Variants in FHIT observed in about 807,000 individuals in gnomAD.
FHIT encodes the protein fragile histidine triad diadenosine triphosphatase, also known as bis(5'-adenosyl)-triphosphatase.
Under a neutral mutation model 17.9 loss-of-function variants are expected in FHIT, and 19 were observed. The observed-to-expected ratio is 1.06, with a 90% CI of 0.74 to 1.56. FHIT has a LOEUF of 1.56. Among genes scored for constraint, FHIT ranks in the 40% most tolerant of loss-of-function variants. FHIT has a pLI of 0.00. For synonymous variants in FHIT, 81 were observed against 69.7 expected, an observed-to-expected ratio of 1.16 and a Z score of -0.81; for missense variants, 248 against 189.2, an observed-to-expected ratio of 1.31 and a Z score of -1.82.
intron 3 of FHIT, among the ~76,000 whole-genome samples, chr3:60,888,174 ATATGCCCTT>A (rs1366432968): frequency 2.6e-5 from 4 of 152,198 alleles, no homozygotes; most frequent in Non-Finnish European, 5.9e-5. Context: ...GGACATGTGG[ATATGCCCTT>A]CAGGGTCCAG....
intron 2 of FHIT, among the ~76,000 whole-genome samples, chr3:61,189,364 T>G (rs2038636146): frequency 6.6e-6 from 1 of 152,028 alleles, no homozygotes; most frequent in African/African-American, 2.4e-5. Context: ...TACCTAGGAA[T>G]CCAACTTACA....
chr3:60,660,953 A>C (rs376109222), intron 4 of FHIT, among the ~76,000 whole-genome samples: 2 of 151,840 alleles, frequency 1.3e-5, no homozygotes, highest in Non-Finnish European at 2.9e-5. Context: ...GGCTTTCACA[A>C]AGCAAAAGTT....
At chr3:60,260,007 G>C (rs1158583633) in intron 5 of FHIT, among the ~76,000 whole-genome samples, 3 of 152,014 alleles carry the variant, frequency 2.0e-5, no homozygotes, top group South Asian at 2.1e-4. Flanking sequence ...AATGAGAATA[G>C]GGTAGAATAC....
intron 5 of FHIT, among the ~76,000 whole-genome samples, chr3:60,289,689 A>G (rs1707894809): frequency 1.3e-5 from 2 of 152,184 alleles, no homozygotes; most frequent in East Asian, 3.9e-4. Flanking sequence ...AAGTCTTTCT[A>G]TTCTAATTAT....
chr3:60,720,700 C>T (rs1289284997), intron 4 of FHIT, among the ~76,000 whole-genome samples: 4 of 152,128 alleles, frequency 2.6e-5, no homozygotes, highest in Admixed American at 1.3e-4. Context: ...GAGATTCTAA[C>T]GTACAGCCAA....
intron 8 of FHIT, among the ~76,000 whole-genome samples, chr3:59,864,044 T>C (rs756196370): frequency 4.1e-4 from 62 of 152,206 alleles, no homozygotes; most frequent in Admixed American, 1.2e-3. Context: ...ATTTACCATA[T>C]TTGTTTCTTT....
At chr3:60,526,982 G>T (rs2035599757) in intron 5 of FHIT, among the ~76,000 whole-genome samples, 1 of 152,154 alleles carries the variant, frequency 6.6e-6, no homozygotes, top group Non-Finnish European at 1.5e-5. Flanking sequence ...TTGCGGTTTG[G>T]GGGCGTGGAG....
intron 3 of FHIT, among the ~76,000 whole-genome samples, chr3:60,844,737 C>G (rs782170580): frequency 6.6e-6 from 1 of 152,218 alleles, no homozygotes; most frequent in Non-Finnish European, 1.5e-5. Flanking sequence ...TTTTCTGAAT[C>G]CCTTTCAAAT....
chr3:59,812,612 T>C (rs938692009), intron 8 of FHIT, among the ~76,000 whole-genome samples: 1 of 152,186 alleles, frequency 6.6e-6, no homozygotes, highest in Non-Finnish European at 1.5e-5. Flanking sequence ...TTTATGAAAA[T>C]GCACGCACAT....
At chr3:60,165,027 T>A (rs1330171114) in intron 5 of FHIT, among the ~76,000 whole-genome samples, 1 of 152,268 alleles carries the variant, frequency 6.6e-6, no homozygotes, top group South Asian at 2.1e-4. Flanking sequence ...CTAGGCAGTT[T>A]AGATCACAGA....
chr3:60,807,265 T>C (rs1403981552), intron 4 of FHIT, among the ~76,000 whole-genome samples: 2 of 152,168 alleles, frequency 1.3e-5, no homozygotes, highest in African/African-American at 2.4e-5. Flanking sequence ...CTACAAATAG[T>C]TTCCTTTCCA....
intron 5 of FHIT, among the ~76,000 whole-genome samples, chr3:60,148,349 T>C (rs1476587986): frequency 6.6e-6 from 1 of 152,200 alleles, no homozygotes; most frequent in Non-Finnish European, 1.5e-5. Flanking sequence ...GCAGCAATTG[T>C]TTGAAAATAG....
At chr3:60,675,414 G>A (rs1481403751) in intron 4 of FHIT, among the ~76,000 whole-genome samples, 1 of 152,168 alleles carries the variant, frequency 6.6e-6, no homozygotes, top group Non-Finnish European at 1.5e-5. Flanking sequence ...GCTAGCTAAT[G>A]TCTCTGCCCG....
At chr3:60,078,497 GGAATTGTTTGAGATTAAAGA>G (rs1308971862) in intron 5 of FHIT, among the ~76,000 whole-genome samples, 2 of 152,244 alleles carry the variant, frequency 1.3e-5, no homozygotes, top group Non-Finnish European at 2.9e-5. Context: ...CAAAGTCTGG[GGAATTGTTTGAGATTAAAGA>G]ACACTAAAAG....
At chr3:60,345,453 A>G (rs1458590366) in intron 5 of FHIT, among the ~76,000 whole-genome samples, 1 of 152,230 alleles carries the variant, frequency 6.6e-6, no homozygotes, top group Non-Finnish European at 1.5e-5. Flanking sequence ...GAGGAGAACT[A>G]AGTATTCATG....
chr3:59,987,637 T>C (rs1024434389), intron 7 of FHIT, among the ~76,000 whole-genome samples: 8 of 152,078 alleles, frequency 5.3e-5, no homozygotes, highest in African/African-American at 1.4e-4. Context: ...GACTCTTTCC[T>C]CTCTGCCTTT....
At chr3:60,763,843 G>A (rs1292691027) in intron 4 of FHIT, among the ~76,000 whole-genome samples, 8 of 152,136 alleles carry the variant, frequency 5.3e-5, no homozygotes, top group African/African-American at 1.2e-4. Context: ...CAGCTACTCC[G>A]GTTAACACTG....
At chr3:60,838,213 C>T (rs1474718624) in intron 3 of FHIT, among the ~76,000 whole-genome samples, 4 of 152,202 alleles carry the variant, frequency 2.6e-5, no homozygotes, top group Admixed American at 2.6e-4. Context: ...TGGCTCACGC[C>T]TGTAATCCCA....
At chr3:60,930,822 C>G (rs1553771542) in intron 3 of FHIT, among the ~76,000 whole-genome samples, 1 of 152,150 alleles carries the variant, frequency 6.6e-6, no homozygotes, top group African/African-American at 2.4e-5. Flanking sequence ...CCTCAAGGAT[C>G]TAGAACTAGA....
Sources: gnomAD v4.1 joint callset for allele counts (sites outside exome capture counted in the v4.1 genomes callset) on GRCh38, gnomAD v4.1.1 for gene constraint, MANE v1.5 for transcripts, NCBI Gene and HGNC (gene_info 2026-07-23, HGNC 2026-07-21) for gene names.